The following SRGAP1 variants were observed in gnomAD, a reference collection of about 807,000 sequenced individuals.
The protein encoded by SRGAP1 is SLIT-ROBO Rho GTPase activating protein 1, also known as SLIT-ROBO Rho GTPase-activating protein 1.
A neutral mutation model predicts 121.9 loss-of-function variants in SRGAP1; 43 were observed. The ratio of observed to expected loss-of-function variants is 0.35; its 90% CI spans 0.28 to 0.46. The LOEUF (loss-of-function observed/expected upper bound fraction) is 0.46. Among genes scored for constraint, SRGAP1 ranks in the 20% least tolerant of loss-of-function variants. The pLI, the probability that SRGAP1 is intolerant of heterozygous loss-of-function variation, is 1.00. For synonymous variants in SRGAP1, 447 were observed against 485.4 expected (o/e 0.92, Z 1.04); for missense variants, 1,102 against 1,350.9 (o/e 0.82, Z 2.89).
intron 1 of SRGAP1, among the ~76,000 whole-genome samples, chr12:63,936,991 G>A (rs545945163): frequency 2.1e-3 from 327 of 152,254 alleles, no homozygotes; most frequent in Non-Finnish European, 4.2e-3. Context: ...GGAGAGATGT[G>A]GTACTTAATT....
At chr12:64,083,553 G>A (rs961196460) in intron 10 of SRGAP1, among the ~76,000 whole-genome samples, 4 of 152,056 alleles carry the variant, frequency 2.6e-5, no homozygotes, top group Admixed American at 6.6e-5. Flanking sequence ...AAAGAAGCAC[G>A]CAATGAGTTG....
At position 64,144,904 on chromosome 12, in the gene SRGAP1, G is replaced by C. The variant is rs1028400969; in HGVS notation, c.*2232G>C. 7.3e-6 allele frequency: 1 copy of C among 137,826 alleles called. No individual in the cohort carries two copies. Among genetic ancestry groups the C allele is most frequent in the African/African-American group, 2.8e-5 (1 of 35,572 alleles). 8.5% of individuals were successfully genotyped at this position (137,826 alleles called of 1,614,324 possible). ...CTGTCGCCCAGGCCAGAGTACAGTGGTGCAATCTCGGCTCCCTGCAACCTC... is the reference window on the plus strand; with the variant it reads ...CTGTCGCCCAGGCCAGAGTACAGTGCTGCAATCTCGGCTCCCTGCAACCTC... On this transcript the variant is annotated 3_prime_UTR_variant, in exon 22 of 22. Coordinates refer to ENST00000355086, the MANE Select transcript of SRGAP1 (RefSeq NM_020762.4).
chr12:63,981,145 A>C (rs755065700), intron 1 of SRGAP1, among the ~76,000 whole-genome samples: 3 of 152,130 alleles, frequency 2.0e-5, no homozygotes, highest in Non-Finnish European at 4.4e-5. Context: ...AATAACAGTT[A>C]ATTTTTGTAA....
chr12:64,020,522 A>G (rs575078180), intron 4 of SRGAP1, among the ~76,000 whole-genome samples: 1 of 152,274 alleles, frequency 6.6e-6, no homozygotes, highest in South Asian at 2.1e-4. Context: ...TTAGGCCACT[A>G]CAAAAGACAG....
At chr12:64,120,161 T>C (rs2036583646) in intron 18 of SRGAP1, among the ~76,000 whole-genome samples, 1 of 152,202 alleles carries the variant, frequency 6.6e-6, no homozygotes, top group Admixed American at 6.5e-5. Context: ...TATTTATTCA[T>C]TAGCGCTTCC....
In SRGAP1 at chr12:64,015,300, C is replaced by G. The variant is rs11175230; in HGVS notation, c.427-1650C>G. Among the ~76,000 whole-genome samples, 475 of 152,226 alleles carry G rather than the reference C, an allele frequency of 3.1e-3. 3 individuals carry two copies. The highest frequency in any genetic ancestry group is 0.011 in the African/African-American group (446 of 41,528). Reference sequence around the variant, plus strand: ...GTATAATATATACCCTCTCAATAATCAAGACATAGGAAAAATAAAATGAGT... The same window carrying G: ...GTATAATATATACCCTCTCAATAATGAAGACATAGGAAAAATAAAATGAGT... On this transcript the variant is annotated intron_variant, in intron 3 of 21. Transcript: ENST00000355086.
rs928849204 is a variant in SRGAP1 at position 64,142,935 on chromosome 12, C to G, written c.*263C>G. ...CTTACTTGAAAATCCAATGCTGCAC[C>G]ACTTGTAATGAAGGCAACACCGCTC... is the stretch of plus-strand genomic sequence containing the variant. On this transcript the variant is annotated 3_prime_UTR_variant, in exon 22 of 22. Transcript: ENST00000355086. 2.2e-6 allele frequency: 1 copy of G among 448,564 alleles called. No homozygotes were observed. Among genetic ancestry groups the G allele is most frequent in the East Asian group, 4.3e-5 (1 of 23,224 alleles). 27.8% of individuals were successfully genotyped at this position (448,564 alleles called of 1,614,324 possible). A position where few individuals can be genotyped will look rare whatever the true frequency, so the allele number is the denominator to read the frequency against.
intron 3 of SRGAP1, among the ~76,000 whole-genome samples, chr12:64,008,081 G>A (rs1352973546): frequency 6.6e-6 from 1 of 152,166 alleles, no homozygotes; most frequent in Non-Finnish European, 1.5e-5. Context: ...ACTCTGTTAA[G>A]CACATAACCA....
intron 10 of SRGAP1, among the ~76,000 whole-genome samples, chr12:64,084,425 C>T (rs1758347896): frequency 6.6e-6 from 1 of 152,072 alleles, no homozygotes; most frequent in African/African-American, 2.4e-5. Flanking sequence ...CCTCAGACTG[C>T]TGGAAGCTTT....
In SRGAP1 at chr12:64,142,764, T is replaced by C. The variant is rs1056220048; in HGVS notation, c.*92T>C. ...ACTGATCCATAACTTTCCTTAGTTT[T>C]GTGCTTATAACTGGAGATCTTTTGG... On this transcript the variant is annotated 3_prime_UTR_variant, in exon 22 of 22. Coordinates refer to ENST00000355086, the MANE Select transcript of SRGAP1 (RefSeq NM_020762.4). The C allele has an allele frequency of 1.1e-5, 16 of 1,500,876 alleles. No individual in the cohort carries two copies. Among genetic ancestry groups the C allele is most frequent in the Middle Eastern group, 2.5e-4 (1 of 3,972 alleles). The allele number at this position is 1,500,876 out of a possible 1,614,324, so 93.0% of individuals were successfully genotyped here. A position where few individuals can be genotyped will look rare whatever the true frequency, so the allele number is the denominator to read the frequency against.
chr12:63,929,802 T>C (rs2031403366), intron 1 of SRGAP1, among the ~76,000 whole-genome samples: 1 of 152,162 alleles, frequency 6.6e-6, no homozygotes, highest in African/African-American at 2.4e-5. Context: ...TAAACTATAA[T>C]TCAAAACAAA....
At position 64,153,422 on chromosome 12, in the gene SRGAP1, G is replaced by A. The variant is rs369145777; in HGVS notation, c.*10750G>A. 1.3e-4 allele frequency: 20 copies of A among 150,142 alleles called. No individual in the cohort carries two copies. Among genetic ancestry groups the A allele is most frequent in the Admixed American group, 7.9e-4 (12 of 15,100 alleles). The allele number at this position is 150,142 out of a possible 1,614,324, so 9.3% of individuals were successfully genotyped here. A position where few individuals can be genotyped will look rare whatever the true frequency, so the allele number is the denominator to read the frequency against. ...CATGAGACGGAGGTTGCAGTGACCCGAGATTGTGCCACTGCACTACAGCCT... is the reference window on the plus strand; with the variant it reads ...CATGAGACGGAGGTTGCAGTGACCCAAGATTGTGCCACTGCACTACAGCCT... On this transcript the variant is annotated 3_prime_UTR_variant, in exon 22 of 22. Transcript: ENST00000355086.
At chr12:64,050,705 G>A (rs1346476726) in intron 6 of SRGAP1, among the ~76,000 whole-genome samples, 1 of 151,862 alleles carries the variant, frequency 6.6e-6, no homozygotes, top group Non-Finnish European at 1.5e-5. Flanking sequence ...TTTTAATCCA[G>A]GCAAGTTCTT....
At chr12:64,003,068 G>A (rs1271481118) in intron 3 of SRGAP1, among the ~76,000 whole-genome samples, 18 of 127,150 alleles carry the variant, frequency 1.4e-4, no homozygotes, top group African/African-American at 5.2e-4. Flanking sequence ...GAAAGAAAGG[G>A]AGGGAGGGAG....
intron 1 of SRGAP1, among the ~76,000 whole-genome samples, chr12:63,893,021 C>G (rs1404362921): frequency 1.3e-5 from 2 of 152,140 alleles, no homozygotes; most frequent in Non-Finnish European, 2.9e-5. Context: ...AAGAGCAACA[C>G]AGTAAATTTA....
Position 64,142,637 on chromosome 12 carries a change from C to T in SRGAP1, c.3223C>T (p.Pro1075Ser), listed in dbSNP as rs755941243. The T allele has an allele frequency of 2.5e-6, 4 of 1,614,156 alleles. No homozygotes were observed. Among genetic ancestry groups the T allele is most frequent in the African/African-American group, 1.3e-5 (1 of 75,042 alleles). The change falls in exon 22 of 22, where the codon CCC becomes TCC. Residue 1075 changes from proline (P) to serine (S), a missense_variant. Pro to Ser is a moderately conservative substitution (Grantham distance 74). Transcript: ENST00000355086. The part of the protein sequence containing the change: ...TNPTIGPAPP[P>S]QGPTDKSCTM The stretch of plus-strand genomic sequence containing the variant: ...TCCTACCATAGGACCTGCCCCACCT[C>T]CCCAGGGTCCAACAGACAAGTCATG...
chr12:64,105,822 C>T (rs1472800501), intron 15 of SRGAP1, among the ~76,000 whole-genome samples: 1 of 152,046 alleles, frequency 6.6e-6, no homozygotes, highest in Middle Eastern at 3.2e-3. Context: ...GGAATTAATG[C>T]CTATGTCCTG....
At chr12:64,129,523 C>T (rs1046892131) in intron 21 of SRGAP1, among the ~76,000 whole-genome samples, 2 of 152,126 alleles carry the variant, frequency 1.3e-5, no homozygotes, top group Non-Finnish European at 2.9e-5. Flanking sequence ...CACTTTGCAT[C>T]CTTCAATCCA....
intron 1 of SRGAP1, among the ~76,000 whole-genome samples, chr12:63,896,548 G>T (rs11175203): frequency 0.048 from 7,313 of 152,258 alleles, 273 homozygotes; most frequent in Middle Eastern, 0.14. Context: ...GCAGAGAATA[G>T]AAAGGATTTA....
Sources: allele counts gnomAD v4.1 joint callset (sites outside exome capture counted in the v4.1 genomes callset), GRCh38; gene constraint gnomAD v4.1.1; transcripts MANE v1.5; gene names NCBI Gene and HGNC (gene_info 2026-07-23, HGNC 2026-07-21).